The following PNPT1 variants were observed in gnomAD, a reference collection of about 807,000 sequenced individuals.
The protein encoded by PNPT1 is polyribonucleotide nucleotidyltransferase 1, mitochondrial.
Under a neutral mutation model 119.5 loss-of-function variants are expected in PNPT1, and 53 were observed. The ratio of observed to expected loss-of-function variants is 0.44; its 90% confidence interval spans 0.36 to 0.56. PNPT1 has a LOEUF of 0.56. Ranked by LOEUF, PNPT1 falls within the 20% of genes least tolerant of loss-of-function variation. The pLI, the probability that PNPT1 is intolerant of heterozygous loss-of-function variation, is 0.00. For synonymous variants in PNPT1, 357 were observed against 322.1 expected (o/e 1.11, Z -1.16); for missense variants, 948 against 938.5 (o/e 1.01, Z -0.13).
chr2:55,669,797 AT>A (rs1696849893), intron 11 of PNPT1, among the ~76,000 whole-genome samples: 1 of 143,114 alleles, frequency 7.0e-6, no homozygotes, highest in South Asian at 2.2e-4. Flanking sequence ...GTCTTGCTCT[AT>A]TGCCCAGGCT....
chr2:55,684,491 G>A (rs984951667), intron 4 of PNPT1, among the ~76,000 whole-genome samples: 1 of 152,162 alleles, frequency 6.6e-6, no homozygotes, highest in African/African-American at 2.4e-5. Flanking sequence ...GGGTAGAAGA[G>A]CTATAAATTA....
intron 12 of PNPT1, 46 bp downstream of exon 12, chr2:55,667,816 C>T (rs1350509177): frequency 6.4e-7 from 1 of 1,558,394 alleles, no homozygotes; most frequent in African/African-American, 1.4e-5. Flanking sequence ...AGGCAACTTG[C>T]AGAGACAGTG....
chr2:55,651,223 A>C (rs1189879680), intron 18 of PNPT1, among the ~76,000 whole-genome samples: 12 of 147,218 alleles, frequency 8.2e-5, no homozygotes, highest in African/African-American at 2.8e-4. Flanking sequence ...GGCCGCCCCT[A>C]CTGGGAAGTG....
At position 55,691,760 on chromosome 2, in the gene PNPT1, T is replaced by C. The variant is rs546245823; in HGVS notation, c.161+1903A>G. ...AATCAGAATTAATGAATGCTGGGAGTGGAATAAGCCTTAGAGATAACCTAG... is the reference window on the plus strand; with the variant it reads ...AATCAGAATTAATGAATGCTGGGAGCGGAATAAGCCTTAGAGATAACCTAG... On this transcript the variant is annotated intron_variant, in intron 1 of 27. Transcript: ENST00000447944. Among the ~76,000 whole-genome samples the C allele has an allele frequency of 2.7e-5, 4 of 150,152 alleles. No homozygotes were observed. In the East Asian group the frequency reaches 7.9e-4, roughly 30 times the overall value.
At chr2:55,691,878 A>ATATATATATATATTTTTTTTTTT in intron 1 of PNPT1, among the ~76,000 whole-genome samples, 1 of 33,118 alleles carries the variant, frequency 3.0e-5, no homozygotes, top group Non-Finnish European at 5.9e-5. Context: ...ATATATATAT[A>ATATATATATATATTTTTTTTTTT]TTTTTTTTTT....
At chr2:55,648,681 A>G (rs1444085983) in intron 18 of PNPT1, among the ~76,000 whole-genome samples, 2 of 152,124 alleles carry the variant, frequency 1.3e-5, no homozygotes, top group East Asian at 3.8e-4. Flanking sequence ...TCTTTTTATT[A>G]CTGATTTTCT....
intron 26 of PNPT1, among the ~76,000 whole-genome samples, chr2:55,639,786 C>CAT (rs563103691): frequency 2.8e-4 from 42 of 152,124 alleles, no homozygotes; most frequent in African/African-American, 9.9e-4. Context: ...GCTTTGATAT[C>CAT]ATGTTGAGGA....
chr2:55,637,760 G>A (rs1012369945), intron 26 of PNPT1, among the ~76,000 whole-genome samples, 161 bp from the exon 27 acceptor site: 1 of 152,108 alleles, frequency 6.6e-6, no homozygotes, highest in East Asian at 1.9e-4. Context: ...ACTTTGGGAG[G>A]CAGAAGCGGG....
rs1446589987 is a variant in PNPT1, at chr2:55,637,512, C to T, written c.2196+40G>A. 3 of 1,537,602 alleles carry T rather than the reference C, an allele frequency of 2.0e-6. No individual in the cohort carries two copies. In the African/African-American group the frequency reaches 4.1e-5, roughly 21 times the overall value. On this transcript the variant is annotated intron_variant, in intron 27 of 27. Coordinates refer to ENST00000447944, the MANE Select transcript of PNPT1 (RefSeq NM_033109.5). ...AAAAAAACAATGGAAGCTTCAAGAA[C>T]AATTTACAACTTCAAGGCTAAAAGG... is the stretch of plus-strand genomic sequence containing the variant.
At chr2:55,677,342 C>T (rs1442765229) in intron 8 of PNPT1, among the ~76,000 whole-genome samples, 2 of 152,124 alleles carry the variant, frequency 1.3e-5, no homozygotes, top group Non-Finnish European at 2.9e-5. Flanking sequence ...GCCTATAATC[C>T]CAGCACTTTT....
At chr2:55,682,158 A>C (rs1367392327) in intron 5 of PNPT1, among the ~76,000 whole-genome samples, 2 of 151,552 alleles carry the variant, frequency 1.3e-5, no homozygotes, top group South Asian at 2.1e-4. Context: ...ACAAACAAAC[A>C]AACCAATAAA....
At chr2:55,667,502 G>C (rs953147182) in intron 12 of PNPT1, among the ~76,000 whole-genome samples, 3 of 151,920 alleles carry the variant, frequency 2.0e-5, no homozygotes, top group South Asian at 2.1e-4. Context: ...GCTGAGGCAG[G>C]AGAATGACGT....
chr2:55,641,283 A>ATT (rs10713596), intron 25 of PNPT1, among the ~76,000 whole-genome samples: 5 of 100,120 alleles, frequency 5.0e-5, no homozygotes, highest in African/African-American at 2.1e-4. Context: ...TTCCAAAAAC[A>ATT]TTTTTTTTTT....
intron 13 of PNPT1, among the ~76,000 whole-genome samples, chr2:55,665,183 C>G (rs959796897): frequency 6.6e-6 from 1 of 152,106 alleles, no homozygotes; most frequent in African/African-American, 2.4e-5. Context: ...GGTGACATCA[C>G]AAGTCATTGA....
At chr2:55,655,835 C>T (rs1428388346) in intron 17 of PNPT1, among the ~76,000 whole-genome samples, 3 of 152,104 alleles carry the variant, frequency 2.0e-5, no homozygotes, top group Non-Finnish European at 4.4e-5. Context: ...CTATTTTGGC[C>T]CTTCCTCTCT....
At chr2:55,673,162 T>C (rs1696967084) in intron 8 of PNPT1, 83 bp from the exon 9 acceptor site, 1 of 1,087,482 alleles carries the variant, frequency 9.2e-7, no homozygotes, top group South Asian at 1.7e-5. Flanking sequence ...TGACATGACA[T>C]AAATATTATG....
Position 55,636,457 on chromosome 2 carries a change from A to T in PNPT1, c.2197-65T>A. ...CATTGAGTGACATCTAAACTAATAG[A>T]CATTTAAATTTACATGGTCCAAATA... On this transcript the variant is annotated intron_variant, in intron 27 of 27. Transcript: ENST00000447944. 6 of 1,514,932 alleles carry T rather than the reference A, an allele frequency of 4.0e-6. 1 individual carries two copies. In the South Asian group the frequency reaches 7.1e-5, roughly 18 times the overall value. The allele number at this position is 1,514,932 out of a possible 1,614,324, so 93.8% of individuals were successfully genotyped here. A position where few individuals can be genotyped will look rare whatever the true frequency, so the allele number is the denominator to read the frequency against.
At chr2:55,689,694 G>A (rs1355236911) in intron 1 of PNPT1, among the ~76,000 whole-genome samples, 1 of 152,178 alleles carries the variant, frequency 6.6e-6, no homozygotes, top group Non-Finnish European at 1.5e-5. Context: ...TGGGGCTGGG[G>A]AGAAACGCTA....
At chr2:55,673,738 G>A (rs918802256) in intron 8 of PNPT1, among the ~76,000 whole-genome samples, 4 of 152,048 alleles carry the variant, frequency 2.6e-5, no homozygotes, top group African/African-American at 9.7e-5. Context: ...GAGCCACTGT[G>A]CCTGGCATCT....
Sources: allele counts gnomAD v4.1 joint callset (sites outside exome capture counted in the v4.1 genomes callset), GRCh38; gene constraint gnomAD v4.1.1; transcripts MANE v1.5; gene names NCBI Gene and HGNC (gene_info 2026-07-23, HGNC 2026-07-21).